Variants in SMTN observed in about 807,000 individuals in gnomAD.
SMTN encodes the protein smoothelin.
A neutral mutation model predicts 102.0 loss-of-function variants in SMTN; 58 were observed. That is an observed-to-expected ratio of 0.57 (90% CI 0.46 to 0.71). The LOEUF is 0.71. Ranked by LOEUF, SMTN falls within the 30% of genes least tolerant of loss-of-function variation. The pLI, the probability that SMTN is intolerant of heterozygous loss-of-function variation, is 0.00. For synonymous variants in SMTN, 478 were observed against 497.9 expected, an observed-to-expected ratio of 0.96 and a Z score of 0.53; for missense variants, 1,185 against 1,241.7, an observed-to-expected ratio of 0.95 and a Z score of 0.69.
At chr22:31,090,562 G>A (rs2043048317) in intron 8 of SMTN, among the ~76,000 whole-genome samples, 1 of 152,094 alleles carries the variant, frequency 6.6e-6, no homozygotes, top group African/African-American at 2.4e-5. Flanking sequence ...GCCCCCAGGA[G>A]TGTCCAAGTC....
chr22:31,074,208 G>A (rs2042074741), intron 1 of SMTN, among the ~76,000 whole-genome samples: 2 of 151,292 alleles, frequency 1.3e-5, no homozygotes, highest in Admixed American at 1.3e-4. Context: ...GACAACATGG[G>A]GAAACTCCAT....
intron 11 of SMTN, among the ~76,000 whole-genome samples, chr22:31,093,086 C>G (rs914872422): frequency 6.6e-6 from 1 of 152,226 alleles, no homozygotes; most frequent in African/African-American, 2.4e-5. Context: ...ATTCCCTGTT[C>G]CCTGCCTCAG....
At position 31,096,757 on chromosome 22, in the gene SMTN, G is replaced by T; in HGVS notation, c.1886G>T (p.Arg629Leu). The change falls in exon 14 of 21, where the codon CGG becomes CTG. Residue 629 changes from arginine to leucine, a missense_variant. This residue lies in a region of SMTN where 1,096 missense variants were observed against 1,112.7 expected (regional missense o/e 0.98). Coordinates refer to ENST00000333137, the MANE Select transcript of SMTN (RefSeq NM_134269.3). ...GACCAGCGGGACAAGGAGCGGGAAC[G>T]GCGGCTGCAGGAGGCACGGGGCCGG... The part of the protein sequence containing the change: ...KRDQRDKERE[R>L]RLQEARGRPG... 1 of 1,553,478 alleles carries T rather than the reference G, an allele frequency of 6.4e-7. No individual in the cohort carries two copies. Among genetic ancestry groups the T allele is most frequent in the Non-Finnish European group, 8.7e-7 (1 of 1,154,028 alleles).
intron 16 of SMTN, among the ~76,000 whole-genome samples, chr22:31,097,961 C>CTA (rs1231154592): frequency 6.6e-6 from 1 of 152,174 alleles, no homozygotes; most frequent in Non-Finnish European, 1.5e-5. Flanking sequence ...AGAGGCCTAC[C>CTA]TACCACACTG....
At chr22:31,093,902 G>T in intron 11 of SMTN, 2 of 1,468,332 alleles carry the variant, frequency 1.4e-6, no homozygotes, top group East Asian at 2.4e-5. Flanking sequence ...TTGGTGGGAG[G>T]GGTAGTTTTG....
At chr22:31,086,340 C>T (rs555671148) in intron 2 of SMTN, among the ~76,000 whole-genome samples, 7 of 152,326 alleles carry the variant, frequency 4.6e-5, no homozygotes, top group Non-Finnish European at 8.8e-5. Flanking sequence ...TGACCATGAG[C>T]AAATCACATG....
At position 31,096,659 on chromosome 22, in the gene SMTN, C is replaced by T. The variant is rs1166724907; in HGVS notation, c.1862-74C>T. On this transcript the variant is annotated intron_variant, in intron 13 of 20. Transcript: ENST00000333137. ...CACCCTCCACCCCGTCTTGTGTGCC[C>T]CATGCACCTGTGCATCTGTGCTGTG... The T allele has an allele frequency of 4.1e-6, 6 of 1,450,980 alleles. No homozygotes were observed. In the East Asian group the frequency reaches 1.2e-4, roughly 28 times the overall value. The allele number at this position is 1,450,980 out of a possible 1,614,324, so 89.9% of individuals were successfully genotyped here. A position where few individuals can be genotyped will look rare whatever the true frequency, so the allele number is the denominator to read the frequency against.
Position 31,090,920 on chromosome 22 carries a change from C to G in SMTN, c.937+41C>G, listed in dbSNP as rs778738911. 4 of 1,612,984 alleles carry G rather than the reference C, an allele frequency of 2.5e-6. No individual in the cohort carries two copies. In the African/African-American group the frequency reaches 5.3e-5, roughly 22 times the overall value. The stretch of plus-strand genomic sequence containing the variant: ...ACCCTGCCTAGGATCTGTGCAGACC[C>G]TGTCCCACCCAGTTGCTGACAGCCC... On this transcript the variant is annotated intron_variant, in intron 9 of 20. Transcript: ENST00000333137.
Position 31,088,123 on chromosome 22 carries a change from G to T in SMTN, c.200+10G>T, listed in dbSNP as rs200190296. 6.3e-7 allele frequency: 1 copy of T among 1,585,668 alleles called. No homozygotes were observed. The highest frequency in any genetic ancestry group is 1.7e-4 in the Middle Eastern group (1 of 5,952). ...AGGAGAACTGGCTGCAGTGAGTAGC[G>T]GGGGGTGGAACATGCGGGTGAGAAG... On this transcript the variant is annotated intron_variant, in intron 3 of 20. Transcript: ENST00000333137.
chr22:31,083,629 C>T (rs1052766870), intron 2 of SMTN: 5 of 238,368 alleles, frequency 2.1e-5, no homozygotes, highest in Non-Finnish European at 4.1e-5. Context: ...AGCAATAGCT[C>T]GGGCAATGCC....
At chr22:31,096,096 A>C (rs1186726792) in intron 13 of SMTN, 1 of 180,224 alleles carries the variant, frequency 5.5e-6, no homozygotes, top group Admixed American at 5.4e-5. Context: ...TCTGGGTTCA[A>C]TTGCTTCTCC....
chr22:31,099,989 G>A, intron 19 of SMTN, 93 bp downstream of exon 19: 8 of 1,281,808 alleles, frequency 6.2e-6, no homozygotes, highest in Middle Eastern at 2.5e-4. Context: ...CCTGGAGCGG[G>A]CCAGCCACAT....
intron 19 of SMTN, 83 bp downstream of exon 19, chr22:31,099,979 C>A: frequency 7.1e-7 from 1 of 1,416,874 alleles, no homozygotes. Context: ...CCTGAGAACC[C>A]CTGGAGCGGG....
At position 31,084,981 on chromosome 22, in the gene SMTN, C is replaced by T. The variant is rs545580122; in HGVS notation, c.51+1672C>T. 39 of 1,462,280 alleles carry T rather than the reference C, an allele frequency of 2.7e-5. No individual in the cohort carries two copies. In the African/African-American group the frequency reaches 4.7e-4, roughly 18 times the overall value. The allele number at this position is 1,462,280 out of a possible 1,614,324, so 90.6% of individuals were successfully genotyped here. On this transcript the variant is annotated intron_variant, in intron 2 of 20. Transcript: ENST00000333137. ...ATAAGGAAAAGCTAGGCCCGCTCCG[C>T]CCGCCCTGCGCCCCAGCGTCTGGCC...
chr22:31,074,257 T>C (rs1602573589), intron 1 of SMTN, among the ~76,000 whole-genome samples: 1 of 152,050 alleles, frequency 6.6e-6, no homozygotes, highest in Non-Finnish European at 1.5e-5. Context: ...TGAGTGCCTG[T>C]AGTCCCAGCT....
chr22:31,087,650 G>A (rs1341530493), intron 2 of SMTN, among the ~76,000 whole-genome samples: 1 of 152,220 alleles, frequency 6.6e-6, no homozygotes, highest in African/African-American at 2.4e-5. Flanking sequence ...TGGGGATCTG[G>A]GCTCTGAGAG....
At chr22:31,100,209 C>T (rs2043962910) in intron 19 of SMTN, among the ~76,000 whole-genome samples, 1 of 152,112 alleles carries the variant, frequency 6.6e-6, no homozygotes, top group Non-Finnish European at 1.5e-5. Context: ...TTTCTCTGTC[C>T]TGCTCTCCTC....
At chr22:31,072,498 T>G (rs1158402773) in intron 1 of SMTN, among the ~76,000 whole-genome samples, 1 of 152,174 alleles carries the variant, frequency 6.6e-6, no homozygotes, top group Non-Finnish European at 1.5e-5. Context: ...ATTTCCCTCT[T>G]GTCACCCAGG....
intron 1 of SMTN, among the ~76,000 whole-genome samples, chr22:31,069,607 G>A (rs1280531997): frequency 6.6e-6 from 1 of 152,218 alleles, no homozygotes; most frequent in African/African-American, 2.4e-5. Context: ...GAGAGAAGGA[G>A]TCAGGAAGGA....
Sources: allele counts gnomAD v4.1 joint callset (sites outside exome capture counted in the v4.1 genomes callset), GRCh38; gene constraint gnomAD v4.1.1; regional missense constraint gnomAD v4.1.1; transcripts MANE v1.5; gene names NCBI Gene and HGNC (gene_info 2026-07-23, HGNC 2026-07-21).